The following PPP2CB variants were observed in gnomAD, a reference collection of about 807,000 sequenced individuals.
PPP2CB encodes the protein serine/threonine-protein phosphatase 2A catalytic subunit beta isoform.
A neutral mutation model predicts 39.1 loss-of-function variants in PPP2CB; 18 were observed. The ratio of observed to expected loss-of-function variants is 0.46; its 90% CI spans 0.32 to 0.68. The LOEUF is 0.68. Among genes scored for constraint, PPP2CB ranks in the 30% least tolerant of loss-of-function variants. PPP2CB has a pLI of 0.04. For synonymous variants in PPP2CB, 129 were observed against 133.8 expected (o/e 0.96, Z 0.25); for missense variants, 226 against 396.9 (o/e 0.57, Z 3.66).
intron 6 of PPP2CB, 192 bp downstream of exon 6, chr8:30,791,005 G>T: frequency 4.2e-6 from 2 of 475,022 alleles, no homozygotes; most frequent in South Asian, 3.2e-5. Flanking sequence ...CCTGCTGTAT[G>T]CCCTTAGGAC....
chr8:30,812,071 C>G (rs1401018523), intron 1 of PPP2CB, among the ~76,000 whole-genome samples: 1 of 152,072 alleles, frequency 6.6e-6, no homozygotes, highest in Non-Finnish European at 1.5e-5. Flanking sequence ...CCGAGCCCCC[C>G]ACGCCCGGGA....
intron 3 of PPP2CB, among the ~76,000 whole-genome samples, chr8:30,796,443 C>T (rs1806528271): frequency 1.3e-5 from 2 of 152,140 alleles, no homozygotes; most frequent in Non-Finnish European, 1.5e-5. Flanking sequence ...TGCCGTGATA[C>T]GATCTTGGCT....
At chr8:30,792,308 G>C (rs530466988) in intron 5 of PPP2CB, among the ~76,000 whole-genome samples, 11 of 151,968 alleles carry the variant, frequency 7.2e-5, no homozygotes, top group African/African-American at 2.7e-4. Context: ...GCTTGCCTCA[G>C]CCTCCCAAAG....
At chr8:30,806,854 T>C (rs1363919233) in intron 1 of PPP2CB, among the ~76,000 whole-genome samples, 2 of 152,214 alleles carry the variant, frequency 1.3e-5, no homozygotes, top group African/African-American at 4.8e-5. Flanking sequence ...CTTTATCTAC[T>C]TAGGTAAATA....
At chr8:30,803,839 C>CTTTTTT (rs1806667781) in intron 1 of PPP2CB, among the ~76,000 whole-genome samples, 1 of 147,184 alleles carries the variant, frequency 6.8e-6, no homozygotes, top group African/African-American at 2.5e-5. Flanking sequence ...TTTTTTGAGA[C>CTTTTTT]GGAGTCCTGC....
intron 1 of PPP2CB, among the ~76,000 whole-genome samples, chr8:30,801,680 T>C (rs1356758485): frequency 2.0e-5 from 3 of 152,122 alleles, no homozygotes; most frequent in Non-Finnish European, 2.9e-5. Context: ...ATTTAAAACA[T>C]GGATTTTGAG....
At chr8:30,789,049 C>CTTTTTTTTTTTTT (rs5890534) in intron 6 of PPP2CB, among the ~76,000 whole-genome samples, 1 of 137,040 alleles carries the variant, frequency 7.3e-6, no homozygotes, top group African/African-American at 2.7e-5. Flanking sequence ...GATGTTTTTA[C>CTTTTTTTTTTTTT]TTTTTTTTTT....
At chr8:30,804,862 A>C (rs1347442641) in intron 1 of PPP2CB, among the ~76,000 whole-genome samples, 1 of 152,070 alleles carries the variant, frequency 6.6e-6, no homozygotes, top group Non-Finnish European at 1.5e-5. Context: ...CATTATAAAG[A>C]ATTTGGAAGG....
Position 30,794,096 on chromosome 8 carries a change from G to T in PPP2CB, c.577-18C>A, listed in dbSNP as rs1433160420. 2 of 1,602,364 alleles carry T rather than the reference G, an allele frequency of 1.2e-6. No individual in the cohort carries two copies. Among genetic ancestry groups the T allele is most frequent in the African/African-American group, 1.3e-5 (1 of 74,362 alleles). On this transcript the variant is annotated intron_variant, in intron 4 of 6. Transcript: ENST00000221138. ...ATTGGGCCCTGGCCAAGAAAAATAAGTACATGTTACAAATTATTATCAGTC... is the reference window on the plus strand; with the variant it reads ...ATTGGGCCCTGGCCAAGAAAAATAATTACATGTTACAAATTATTATCAGTC...
intron 2 of PPP2CB, among the ~76,000 whole-genome samples, chr8:30,798,031 T>C (rs1035100569): frequency 3.9e-5 from 6 of 152,236 alleles, no homozygotes; most frequent in Admixed American, 1.3e-4. Flanking sequence ...AACTTGTATC[T>C]GATACTTTGC....
intron 1 of PPP2CB, among the ~76,000 whole-genome samples, chr8:30,810,719 A>G (rs1371568214): frequency 2.0e-5 from 3 of 152,244 alleles, no homozygotes; most frequent in Non-Finnish European, 4.4e-5. Flanking sequence ...AGAGAAAAAT[A>G]CCACTTGCTT....
chr8:30,786,662 C>CTTTTTTT (rs35450368), intron 6 of PPP2CB, among the ~76,000 whole-genome samples: 1 of 127,758 alleles, frequency 7.8e-6, no homozygotes, highest in Admixed American at 8.1e-5. Flanking sequence ...AATAATATCA[C>CTTTTTTT]TTTTTTTTTT....
At chr8:30,790,959 G>A (rs192415793) in intron 6 of PPP2CB, 3 of 382,396 alleles carry the variant, frequency 7.8e-6, no homozygotes, top group African/African-American at 6.4e-5. Context: ...TTATTACTGA[G>A]ATTTAGTAGG....
chr8:30,794,672 T>C (rs1806490542), intron 3 of PPP2CB, among the ~76,000 whole-genome samples: 1 of 152,124 alleles, frequency 6.6e-6, no homozygotes, highest in African/African-American at 2.4e-5. Context: ...CCTTGATCAC[T>C]GCGCAATGCA....
intron 6 of PPP2CB, among the ~76,000 whole-genome samples, chr8:30,786,843 T>TG (rs1806350518): frequency 1.3e-5 from 2 of 151,670 alleles, no homozygotes; most frequent in Admixed American, 1.3e-4. Context: ...TTCTTATTTT[T>TG]TTTTAGTAGA....
In PPP2CB at chr8:30,793,921, A is replaced by G; in HGVS notation, c.734T>C (p.Met245Thr). ...TLVSRAHQLV[M>T]EGYNWCHDRN... ...TTCTGTCAGGAAAGTACATACCTCC[A>G]TTACAAGCTGGTGGGCACGAGAAAC... Residue 245 changes from methionine to threonine, a missense_variant, in exon 5 of 7, where the codon ATG (methionine) becomes ACG (threonine). Coordinates refer to ENST00000221138, the MANE Select transcript of PPP2CB (RefSeq NM_001009552.2). 2 of 1,612,016 alleles carry G rather than the reference A, an allele frequency of 1.2e-6. No individual in the cohort carries two copies. Among genetic ancestry groups the G allele is most frequent in the Non-Finnish European group, 1.7e-6 (2 of 1,179,378 alleles).
At chr8:30,799,055 C>T (rs1328752388) in intron 2 of PPP2CB, among the ~76,000 whole-genome samples, 2 of 152,140 alleles carry the variant, frequency 1.3e-5, no homozygotes, top group African/African-American at 2.4e-5. Flanking sequence ...GAATTTGATT[C>T]TATAGGCAAC....
intron 6 of PPP2CB, among the ~76,000 whole-genome samples, chr8:30,788,287 G>A (rs1254765637): frequency 4.6e-5 from 7 of 151,486 alleles, no homozygotes; most frequent in Non-Finnish European, 8.8e-5. Flanking sequence ...TTCTGAGACA[G>A]GGTCTTTGCT....
intron 1 of PPP2CB, chr8:30,810,123 G>A (rs1222819949): frequency 6.6e-6 from 1 of 152,220 alleles, no homozygotes; most frequent in African/African-American, 2.4e-5. Flanking sequence ...TACAGCAGTG[G>A]TACAATATTC....
Sources: gnomAD v4.1 joint callset for allele counts (sites outside exome capture counted in the v4.1 genomes callset) on GRCh38, gnomAD v4.1.1 for gene constraint, MANE v1.5 for transcripts, NCBI Gene and HGNC (gene_info 2026-07-23, HGNC 2026-07-21) for gene names.